The following DPYD variants were observed in gnomAD, a reference collection of about 807,000 sequenced individuals.
DPYD encodes dihydropyrimidine dehydrogenase.
A neutral mutation model predicts 116.2 loss-of-function variants in DPYD; 109 were observed. That is an observed-to-expected ratio of 0.94 (90% confidence interval 0.80 to 1.10). The LOEUF is 1.10. Ranked by LOEUF, DPYD falls within the 50% of genes least tolerant of loss-of-function variation. DPYD has a pLI of 0.00. For synonymous variants in DPYD, 440 were observed against 432.0 expected, an observed-to-expected ratio of 1.02 and a Z score of -0.23; for missense variants, 1,302 against 1,254.5, an observed-to-expected ratio of 1.04 and a Z score of -0.57.
chr1:97,132,352 A>G (rs2101672374), intron 20 of DPYD, among the ~76,000 whole-genome samples: 1 of 152,284 alleles, frequency 6.6e-6, no homozygotes, highest in South Asian at 2.1e-4. Flanking sequence ...ACAATGTTGT[A>G]TCTTATCACT....
chr1:97,579,954 T>C (rs1475705887), intron 10 of DPYD, among the ~76,000 whole-genome samples: 1 of 152,222 alleles, frequency 6.6e-6, no homozygotes, highest in Non-Finnish European at 1.5e-5. Context: ...GAAATAAAAA[T>C]AGCATGCTAT....
At chr1:97,396,496 C>T (rs752053354) in intron 14 of DPYD, among the ~76,000 whole-genome samples, 5 of 151,988 alleles carry the variant, frequency 3.3e-5, no homozygotes, top group African/African-American at 4.8e-5. Context: ...TTCACTACAG[C>T]TCTGCATACC....
At chr1:97,590,423 G>A (rs1300577549) in intron 10 of DPYD, among the ~76,000 whole-genome samples, 1 of 152,126 alleles carries the variant, frequency 6.6e-6, no homozygotes, top group Non-Finnish European at 1.5e-5. Context: ...ACAATTATTG[G>A]TTGAATCTTT....
At chr1:97,226,305 GC>G (rs1661157240) in intron 19 of DPYD, among the ~76,000 whole-genome samples, 1 of 152,052 alleles carries the variant, frequency 6.6e-6, no homozygotes, top group South Asian at 2.1e-4. Context: ...AAAGTTGAAA[GC>G]TTTTCTTCTA....
At chr1:97,730,547 T>C (rs999715853) in intron 4 of DPYD, among the ~76,000 whole-genome samples, 1 of 152,032 alleles carries the variant, frequency 6.6e-6, no homozygotes, top group South Asian at 2.1e-4. Flanking sequence ...ATATTGAAAA[T>C]GAAAATCTCT....
chr1:97,144,238 TAGA>T (rs2101702051), intron 20 of DPYD, among the ~76,000 whole-genome samples: 1 of 152,324 alleles, frequency 6.6e-6, no homozygotes, highest in South Asian at 2.1e-4. Flanking sequence ...TACGCAAAGA[TAGA>T]AGAAGAATCT....
At chr1:97,541,595 A>G (rs1188477458) in intron 12 of DPYD, among the ~76,000 whole-genome samples, 1 of 152,210 alleles carries the variant, frequency 6.6e-6, no homozygotes, top group African/African-American at 2.4e-5. Flanking sequence ...ATGAGAAAAT[A>G]TCTATATGCT....
intron 1 of DPYD, among the ~76,000 whole-genome samples, chr1:97,908,495 T>A (rs982351075): frequency 1.3e-5 from 2 of 151,936 alleles, no homozygotes; most frequent in Non-Finnish European, 2.9e-5. Flanking sequence ...ATTCTCTATG[T>A]CTTCAACTCC....
intron 20 of DPYD, among the ~76,000 whole-genome samples, chr1:97,119,796 T>A (rs1288267614): frequency 6.6e-6 from 1 of 152,134 alleles, no homozygotes; most frequent in Non-Finnish European, 1.5e-5. Flanking sequence ...GCAAGCAACA[T>A]GCGCTCTCTT....
At chr1:97,175,839 A>C (rs1657215008) in intron 20 of DPYD, among the ~76,000 whole-genome samples, 1 of 152,212 alleles carries the variant, frequency 6.6e-6, no homozygotes. Context: ...AGGCTACATA[A>C]AATTTTTAAA....
At chr1:97,477,746 G>A (rs1287148233) in intron 13 of DPYD, among the ~76,000 whole-genome samples, 8 of 150,790 alleles carry the variant, frequency 5.3e-5, no homozygotes, top group East Asian at 2.0e-4. Context: ...TCAGCCTCCC[G>A]AGTAGCTGGG....
At chr1:97,283,058 C>T (rs1665428053) in intron 18 of DPYD, among the ~76,000 whole-genome samples, 1 of 151,956 alleles carries the variant, frequency 6.6e-6, no homozygotes, top group Non-Finnish European at 1.5e-5. Flanking sequence ...AAATGATTTT[C>T]AAATAGGATA....
chr1:97,721,018 A>C (rs1297245340), intron 5 of DPYD: 5 of 1,496,556 alleles, frequency 3.3e-6, no homozygotes, highest in Non-Finnish European at 4.5e-6. Context: ...CTATAAGTTC[A>C]CAAAATCTAA....
At chr1:97,703,268 A>G (rs1054411942) in intron 5 of DPYD, among the ~76,000 whole-genome samples, 1 of 152,014 alleles carries the variant, frequency 6.6e-6, no homozygotes, top group Non-Finnish European at 1.5e-5. Context: ...AACAGATGGT[A>G]TATTTTTAGA....
intron 16 of DPYD, among the ~76,000 whole-genome samples, chr1:97,327,566 G>C (rs1056301617): frequency 1.3e-5 from 2 of 151,750 alleles, no homozygotes; most frequent in Admixed American, 6.6e-5. Context: ...CTTTGAGTAA[G>C]AAAATTTTAC....
intron 18 of DPYD, among the ~76,000 whole-genome samples, chr1:97,271,841 C>T (rs1664600954): frequency 1.3e-5 from 2 of 151,996 alleles, no homozygotes; most frequent in South Asian, 4.2e-4. Context: ...AAGCATGTTC[C>T]CTGATGATTT....
intron 19 of DPYD, among the ~76,000 whole-genome samples, chr1:97,215,817 CT>C (rs1442844645): frequency 6.6e-6 from 1 of 152,140 alleles, no homozygotes. Flanking sequence ...GTATAAGATA[CT>C]TGTGACTGAA....
At position 97,920,943 on chromosome 1, in the gene DPYD, G is replaced by A. The variant is rs1350153086; in HGVS notation, c.-21C>T. The A allele has an allele frequency of 1.3e-6, 2 of 1,576,848 alleles. No individual in the cohort carries two copies. Among genetic ancestry groups the A allele is most frequent in the Non-Finnish European group, 1.7e-6 (2 of 1,161,652 alleles). ...GCCATGGCAGTGCCTACAGTCTCGA[G>A]TCTGCCAGTGACAAACCCTCCTTGC... On this transcript the variant is annotated 5_prime_UTR_variant, in exon 1 of 23. Coordinates refer to ENST00000370192, the MANE Select transcript of DPYD (RefSeq NM_000110.4).
rs1359226452 is a variant in DPYD, at chr1:97,600,436, C to T, written c.851-5270G>A. ...CTTAGTAAAAGAAAAATCCATGTAA[C>T]AACTTTTGTCTTTATTTTTGTTTAT... On this transcript the variant is annotated intron_variant, in intron 8 of 22. Transcript: ENST00000370192. Among the ~76,000 whole-genome samples the T allele has an allele frequency of 2.0e-5, 3 of 152,116 alleles. No individual in the cohort carries two copies. In the East Asian group the frequency reaches 5.8e-4, roughly 29 times the overall value.
Sources: gnomAD v4.1 joint callset for allele counts (sites outside exome capture counted in the v4.1 genomes callset) on GRCh38, gnomAD v4.1.1 for gene constraint, MANE v1.5 for transcripts, NCBI Gene and HGNC (gene_info 2026-07-23, HGNC 2026-07-21) for gene names.